NSG2: variants seen among roughly 807,000 people sequenced by gnomAD.
NSG2 encodes the protein neuronal vesicle trafficking-associated protein 2.
A neutral mutation model predicts 16.9 loss-of-function variants in NSG2; 4 were observed. The observed-to-expected ratio is 0.24, with a 90% CI of 0.12 to 0.54. NSG2 has a LOEUF of 0.54. Ranked by LOEUF, NSG2 falls within the 20% of genes least tolerant of loss-of-function variation. NSG2 has a pLI of 0.95. For synonymous variants in NSG2, 98 were observed against 88.7 expected (o/e 1.11, Z -0.59); for missense variants, 179 against 221.1 (o/e 0.81, Z 1.21).
At chr5:174,053,494 T>A (rs910917296) in intron 2 of NSG2, among the ~76,000 whole-genome samples, 11 of 152,176 alleles carry the variant, frequency 7.2e-5, no homozygotes, top group African/African-American at 2.7e-4. Flanking sequence ...GGCCTCTCCC[T>A]GGGCTTTCCG....
chr5:174,092,923 C>T (rs982561148), intron 3 of NSG2, among the ~76,000 whole-genome samples: 1 of 152,138 alleles, frequency 6.6e-6, no homozygotes, highest in Admixed American at 6.5e-5. Flanking sequence ...AGAAGCAAGC[C>T]TGTAAAAACA....
chr5:174,072,459 G>T lies in NSG2; in HGVS notation c.213+8144G>T, dbSNP rs527800452. ...CATCCCTCAACACCAAATGCACATG[G>T]CCTGGGCCTGTGCAGTGTTGCTTGC... is the stretch of plus-strand genomic sequence containing the variant. On this transcript the variant is annotated intron_variant, in intron 3 of 4. Transcript: ENST00000303177. The surrounding 1 kb of genome is among the most constrained non-coding windows in gnomAD (Gnocchi z 4.0). Among the ~76,000 whole-genome samples, 94 of 152,250 alleles carry T rather than the reference G, an allele frequency of 6.2e-4. 6 individuals are homozygous for T. Among genetic ancestry groups the T allele is most frequent in the Non-Finnish European group, 3.8e-4 (26 of 68,042 alleles).
In NSG2 at chr5:174,066,859, G is replaced by A. The variant is rs962882688; in HGVS notation, c.213+2544G>A. Among the ~76,000 whole-genome samples, 32 of 150,840 alleles carry A rather than the reference G, an allele frequency of 2.1e-4. No individual in the cohort carries two copies. In the South Asian group the frequency reaches 5.6e-3, roughly 27 times the overall value. On this transcript the variant is annotated intron_variant, in intron 3 of 4. Transcript: ENST00000303177. ...CAAAAAATTAGCCGGGCGTAGTGGC[G>A]GGCGCCTGTAGTCCCAGCTACTTGG...
chr5:174,105,561 G>A (rs747770109), intron 4 of NSG2, among the ~76,000 whole-genome samples: 9 of 152,160 alleles, frequency 5.9e-5, no homozygotes, highest in Non-Finnish European at 8.8e-5. Context: ...CTGAACGAAC[G>A]TGGAGGTTTC....
intron 2 of NSG2, among the ~76,000 whole-genome samples, chr5:174,054,369 C>T (rs780508195): frequency 9.2e-5 from 14 of 152,116 alleles, no homozygotes; most frequent in Non-Finnish European, 1.3e-4. Context: ...CATAAGAATG[C>T]GTCGAATTTT....
At chr5:174,070,042 T>C (rs1760209561) in intron 3 of NSG2, among the ~76,000 whole-genome samples, 1 of 151,906 alleles carries the variant, frequency 6.6e-6, no homozygotes, top group South Asian at 2.1e-4. Flanking sequence ...CATGCTCGGC[T>C]AATTTAAAAA....
intron 3 of NSG2, among the ~76,000 whole-genome samples, chr5:174,082,997 C>T (rs1760512532): frequency 6.6e-6 from 1 of 152,216 alleles, no homozygotes; most frequent in East Asian, 1.9e-4. Context: ...ATGCTCCTTC[C>T]TCAGGCTTCC....
intron 3 of NSG2, among the ~76,000 whole-genome samples, chr5:174,083,932 G>A (rs768896753): frequency 2.0e-4 from 30 of 152,312 alleles, no homozygotes; most frequent in African/African-American, 2.9e-4. Context: ...GGCCACATGC[G>A]TTAGATAGGG....
chr5:174,047,596 T>A (rs1315309219), intron 2 of NSG2, among the ~76,000 whole-genome samples: 1 of 152,194 alleles, frequency 6.6e-6, no homozygotes, highest in Non-Finnish European at 1.5e-5. Flanking sequence ...AGGGCACACA[T>A]ATGCAAAGCA....
At chr5:174,064,024 G>A (rs1009507483) in intron 2 of NSG2, among the ~76,000 whole-genome samples, 1 of 152,034 alleles carries the variant, frequency 6.6e-6, no homozygotes, top group African/African-American at 2.4e-5. Context: ...ATCTAAAAAG[G>A]TATAATCAAA....
intron 2 of NSG2, among the ~76,000 whole-genome samples, chr5:174,058,008 G>C (rs1056810783): frequency 2.3e-4 from 35 of 152,156 alleles, no homozygotes; most frequent in Non-Finnish European, 4.1e-4. Context: ...TGAGGAAGCT[G>C]GAGCTGGAAT....
At chr5:174,046,986 C>G (rs1363614711) in intron 2 of NSG2, 102 bp downstream of exon 2, 31 of 1,163,408 alleles carry the variant, frequency 2.7e-5, no homozygotes, top group Non-Finnish European at 3.5e-5. Context: ...ATTCTCTTAT[C>G]TGCCAAATGT....
intron 3 of NSG2, among the ~76,000 whole-genome samples, chr5:174,098,493 C>T (rs893728022): frequency 2.6e-5 from 4 of 152,156 alleles, no homozygotes; most frequent in Admixed American, 6.5e-5. Flanking sequence ...TCTGGAACCT[C>T]GAGCTCCTCT....
chr5:174,047,005 T>C lies in NSG2; in HGVS notation c.129+121T>C, dbSNP rs1581213952. On this transcript the variant is annotated intron_variant, in intron 2 of 4. Transcript: ENST00000303177. ...TCTTATCTGCCAAATGTGCTCCCTT[T>C]CTTGTAAAATGTAGTTATTCCTTCC... 15 of 975,402 alleles carry C rather than the reference T, an allele frequency of 1.5e-5. No individual in the cohort carries two copies. The East Asian group carries it at 3.7e-4, about 24-fold the overall frequency. 60.4% of individuals were successfully genotyped at this position (975,402 alleles called of 1,614,324 possible). A position where few individuals can be genotyped will look rare whatever the true frequency, so the allele number is the denominator to read the frequency against.
chr5:174,070,002 C>T (rs1760208090), intron 3 of NSG2, among the ~76,000 whole-genome samples: 1 of 151,772 alleles, frequency 6.6e-6, no homozygotes, highest in Admixed American at 6.6e-5. Flanking sequence ...CTTAGCCTCC[C>T]AAAGAGCTGG....
chr5:174,108,273 C>CG lies in NSG2; in HGVS notation c.*768_*769insG. The CG allele has an allele frequency of 6.4e-6, 1 of 156,382 alleles. No homozygotes were observed. The highest frequency in any genetic ancestry group is 1.4e-5 in the Non-Finnish European group (1 of 70,326). 9.7% of individuals were successfully genotyped at this position (156,382 alleles called of 1,614,324 possible). ...GCAGATTTTCTTTGTCTTTTGCTTG[C>CG]ATTTTCTAGATCCACACCTGGATAC... is the stretch of plus-strand genomic sequence containing the variant. On this transcript the variant is annotated 3_prime_UTR_variant, in exon 5 of 5. Transcript: ENST00000303177.
intron 3 of NSG2, among the ~76,000 whole-genome samples, chr5:174,077,243 T>C (rs1760360477): frequency 6.6e-6 from 1 of 152,232 alleles, no homozygotes; most frequent in Non-Finnish European, 1.5e-5. Flanking sequence ...ATCTTGCAGA[T>C]ATTTCAACTG....
At chr5:174,078,567 G>A (rs1251845074) in intron 3 of NSG2, among the ~76,000 whole-genome samples, 1 of 152,212 alleles carries the variant, frequency 6.6e-6, no homozygotes, top group Non-Finnish European at 1.5e-5. Context: ...TGAACTACAT[G>A]CACTACTACA....
intron 3 of NSG2, among the ~76,000 whole-genome samples, chr5:174,084,640 T>A (rs1026905638): frequency 7.2e-5 from 11 of 152,234 alleles, no homozygotes; most frequent in Admixed American, 6.5e-4. Flanking sequence ...GCCATGTGGT[T>A]TGTCCATAGC....
Sources: allele counts gnomAD v4.1 joint callset (sites outside exome capture counted in the v4.1 genomes callset), GRCh38; gene constraint gnomAD v4.1.1; non-coding constraint Gnocchi (gnomAD v3.1); transcripts MANE v1.5; gene names NCBI Gene and HGNC (gene_info 2026-07-23, HGNC 2026-07-21).